Variants in ANKRD28 observed in about 807,000 individuals in gnomAD.
ANKRD28 encodes ankyrin repeat domain 28.
A neutral mutation model predicts 126.5 loss-of-function variants in ANKRD28; 44 were observed. That is an observed-to-expected ratio of 0.35 (90% confidence interval 0.27 to 0.45). ANKRD28 has a LOEUF of 0.45. ANKRD28 is among the 20% of genes least tolerant of loss of function. The pLI is 1.00. For synonymous variants in ANKRD28, 442 were observed against 468.5 expected, an observed-to-expected ratio of 0.94 and a Z score of 0.73; for missense variants, 1,110 against 1,316.6, an observed-to-expected ratio of 0.84 and a Z score of 2.43.
At position 15,685,180 on chromosome 3, in the gene ANKRD28, C is replaced by T. The variant is rs376195797; in HGVS notation, c.2389+46G>A. 2.5e-4 allele frequency: 395 copies of T among 1,587,860 alleles called. 1 individual carries two copies. In the Middle Eastern group the frequency reaches 4.8e-3, roughly 19 times the overall value. On this transcript the variant is annotated intron_variant, in intron 21 of 27. Coordinates refer to ENST00000683139, the MANE Select transcript of ANKRD28 (RefSeq NM_001349278.2). ...CCTTATAAATATGTCATTCTTTTAT[C>T]TCTGTTCACTACACAATGATATGCA...
At chr3:15,722,427 T>A (rs530880401) in intron 7 of ANKRD28, among the ~76,000 whole-genome samples, 2 of 152,342 alleles carry the variant, frequency 1.3e-5, no homozygotes, top group East Asian at 3.9e-4. Flanking sequence ...GCCTTTAGAA[T>A]ACTCCTGCAC....
At chr3:15,748,179 C>A (rs573462757) in intron 4 of ANKRD28, among the ~76,000 whole-genome samples, 1 of 152,264 alleles carries the variant, frequency 6.6e-6, no homozygotes, top group African/African-American at 2.4e-5. Context: ...AGCATTTAGG[C>A]CATTTACATT....
upstream of ANKRD28, among the ~76,000 whole-genome samples, chr3:15,800,045 T>C (rs1462444371): frequency 2.6e-5 from 4 of 152,034 alleles, no homozygotes; most frequent in Admixed American, 1.3e-4. Flanking sequence ...ATTTCAGAAG[T>C]TGACAGGATA....
chr3:15,778,843 G>C (rs755603257), intron 2 of ANKRD28, among the ~76,000 whole-genome samples: 6 of 152,176 alleles, frequency 3.9e-5, no homozygotes, highest in Non-Finnish European at 7.4e-5. Flanking sequence ...GATGGGACTA[G>C]GTGGAGGTAA....
At chr3:15,679,967 T>C (rs1192915104) in intron 21 of ANKRD28, among the ~76,000 whole-genome samples, 1 of 152,176 alleles carries the variant, frequency 6.6e-6, no homozygotes, top group East Asian at 1.9e-4. Context: ...TGATTTAAAG[T>C]ATAGCAGAGA....
chr3:15,689,081 G>C (rs1349164286), intron 18 of ANKRD28, among the ~76,000 whole-genome samples: 1 of 152,152 alleles, frequency 6.6e-6, no homozygotes, highest in African/African-American at 2.4e-5. Flanking sequence ...CTTGTTGTTG[G>C]TATTCCCTGA....
chr3:15,822,405 C>T (rs549822355), intron 1 of ANKRD28, among the ~76,000 whole-genome samples: 110 of 152,292 alleles, frequency 7.2e-4, no homozygotes, highest in African/African-American at 2.6e-3. Context: ...ATGAAGAACA[C>T]AGACTTTACA....
chr3:15,824,638 T>A (rs753534234), intron 1 of ANKRD28, among the ~76,000 whole-genome samples: 16 of 152,214 alleles, frequency 1.1e-4, no homozygotes, highest in Admixed American at 3.9e-4. Context: ...AAAAATTAGC[T>A]CTGATAGTTT....
chr3:15,838,699 G>A lies in ANKRD28; in HGVS notation c.27+20678C>T, dbSNP rs1164263258. Among the ~76,000 whole-genome samples the A allele has an allele frequency of 6.6e-6, 1 of 150,818 alleles. No homozygotes were observed. Among genetic ancestry groups the A allele is most frequent in the East Asian group, 2.0e-4 (1 of 5,120 alleles). On this transcript the variant is annotated intron_variant, in intron 1 of 27. Transcript: ENST00000399451. This position sits in a 1 kb window ranked among gnomAD's most constrained non-coding sequence, Gnocchi z 4.0. Reference sequence around the variant, plus strand: ...GGAGGTAGAGGTTGCAGTGAGCCGGGACCACGCCACTGCACTCCAGCCTGG... The same window carrying A: ...GGAGGTAGAGGTTGCAGTGAGCCGGAACCACGCCACTGCACTCCAGCCTGG...
At chr3:15,765,668 C>T (rs1273504663) in intron 3 of ANKRD28, among the ~76,000 whole-genome samples, 1 of 151,908 alleles carries the variant, frequency 6.6e-6, no homozygotes, top group Non-Finnish European at 1.5e-5. Flanking sequence ...GGTGAAACCC[C>T]GTCTCTACTA....
intron 14 of ANKRD28, among the ~76,000 whole-genome samples, chr3:15,707,372 C>T (rs1228978508): frequency 6.6e-6 from 1 of 152,186 alleles, no homozygotes; most frequent in Non-Finnish European, 1.5e-5. Context: ...CTTATTCATT[C>T]TTGGCCAACA....
intron 14 of ANKRD28, among the ~76,000 whole-genome samples, chr3:15,701,647 A>AAAATAAAT (rs373322435): frequency 6.6e-6 from 1 of 152,136 alleles, no homozygotes. Flanking sequence ...TCCGTCTCAA[A>AAAATAAAT]AAATAAATAA....
At position 15,812,482 on chromosome 3, in the gene ANKRD28, C is replaced by T. The variant is rs1191590283; in HGVS notation, c.28-17176G>A. 6.6e-6 allele frequency among the ~76,000 whole-genome samples: 1 copy of T among 152,194 alleles called. No individual in the cohort carries two copies. Among genetic ancestry groups the T allele is most frequent in the East Asian group, 1.9e-4 (1 of 5,196 alleles). ...TTGTGACTCTGCCTTTTCTCCAACA[C>T]ACATTCCAGGAAAGAAAAGGTAAAC... is the stretch of plus-strand genomic sequence containing the variant. On this transcript the variant is annotated intron_variant, in intron 1 of 27. Coordinates refer to the ANKRD28 transcript ENST00000399451. The surrounding 1 kb of genome is among the most constrained non-coding windows in gnomAD (Gnocchi z 4.1).
chr3:15,700,200 G>C (rs2070345508), intron 14 of ANKRD28, among the ~76,000 whole-genome samples: 2 of 152,026 alleles, frequency 1.3e-5, no homozygotes, highest in South Asian at 2.1e-4. Context: ...ACACATGGAG[G>C]GGAACATTAC....
intron 17 of ANKRD28, 26 bp from the exon 18 acceptor site, chr3:15,690,246 TA>T: frequency 1.3e-6 from 2 of 1,520,636 alleles, no homozygotes; most frequent in Non-Finnish European, 8.9e-7. Flanking sequence ...AATGTAAATT[TA>T]AAACATACAT....
intron 3 of ANKRD28, among the ~76,000 whole-genome samples, chr3:15,763,803 G>C (rs1188797264): frequency 6.6e-6 from 1 of 152,076 alleles, no homozygotes; most frequent in Admixed American, 6.5e-5. Flanking sequence ...ACAGCTCTAA[G>C]GCCAATGTAA....
At chr3:15,687,563 A>C (rs1284703497) in intron 18 of ANKRD28, among the ~76,000 whole-genome samples, 2 of 152,338 alleles carry the variant, frequency 1.3e-5, no homozygotes, top group Non-Finnish European at 2.9e-5. Context: ...TACAGAAAAG[A>C]ACGTCTATCA....
intron 3 of ANKRD28, chr3:15,756,356 C>G (rs1382041738): frequency 3.7e-6 from 1 of 266,804 alleles, no homozygotes; most frequent in Non-Finnish European, 5.8e-6. Context: ...AATATTTCAC[C>G]CATATAAAAG....
At chr3:15,730,231 T>A (rs1448949392) in intron 6 of ANKRD28, among the ~76,000 whole-genome samples, 2 of 152,196 alleles carry the variant, frequency 1.3e-5, no homozygotes, top group African/African-American at 4.8e-5. Context: ...TAAACTTGGC[T>A]GAATATTTCT....
Sources: allele counts gnomAD v4.1 joint callset (sites outside exome capture counted in the v4.1 genomes callset), GRCh38; gene constraint gnomAD v4.1.1; non-coding constraint Gnocchi (gnomAD v3.1); transcripts MANE v1.5; gene names NCBI Gene and HGNC (gene_info 2026-07-23, HGNC 2026-07-21).